Variants in POMZP3 observed in about 807,000 individuals in gnomAD.
The protein encoded by POMZP3 is POM121 and ZP3 fusion.
A neutral mutation model predicts 19.8 loss-of-function variants in POMZP3; 10 were observed. The observed-to-expected ratio is 0.51, with a 90% confidence interval of 0.31 to 0.86. POMZP3 has a LOEUF of 0.86. Ranked by LOEUF, POMZP3 falls within the 40% of genes least tolerant of loss-of-function variation. POMZP3 has a pLI of 0.04. For synonymous variants in POMZP3, 57 were observed against 85.8 expected (o/e 0.66, Z 1.85); for missense variants, 152 against 228.1 (o/e 0.67, Z 2.15).
Position 76,625,517 on chromosome 7 carries a change from GT to G in POMZP3, c.227+4del, listed in dbSNP as rs1167093549. 6.2e-7 allele frequency: 1 copy of G among 1,612,928 alleles called. No homozygotes were observed. The highest frequency in any genetic ancestry group is 1.3e-5 in the African/African-American group (1 of 74,836). ...ACTGGCTTAGTACTCTCCTGAGCCT[GT>G]TACCTTCTTTTATTTTCCTGGCCAT... On this transcript the variant is annotated splice_donor_region_variant and intron_variant, in intron 3 of 6. Transcript: ENST00000310842.
chr7:76,626,242 G>C (rs1815888527), intron 1 of POMZP3, 27 bp from the exon 2 acceptor site: 1 of 1,518,682 alleles, frequency 6.6e-7, no homozygotes, highest in South Asian at 1.2e-5. Context: ...ACAAATCATG[G>C]AAACAAAGTA....
chr7:76,626,652 C>G lies in POMZP3; in HGVS notation c.-152+56G>C, dbSNP rs867896684. On this transcript the variant is annotated intron_variant, in intron 1 of 6. Transcript: ENST00000310842. ...AAAAAGCAAATCGGATTTAAAAGTC[C>G]TCGATTTCAAGCCAGCCGAGCCAAA... The G allele has an allele frequency of 4.4e-5, 60 of 1,360,676 alleles. 6 individuals carry two copies. In the African/African-American group the frequency reaches 8.1e-4, roughly 18 times the overall value. The allele number at this position is 1,360,676 out of a possible 1,614,324, so 84.3% of individuals were successfully genotyped here. A position where few individuals can be genotyped will look rare whatever the true frequency, so the allele number is the denominator to read the frequency against.
Position 76,611,499 on chromosome 7 carries a change from A to C in POMZP3, c.530T>G (p.Val177Gly). ...AGCAGACGTGGACCACTGGCTCACG[A>C]CACGAGGCTGCCTCCTGGAATGGCT... ...TPSHSRRQPR[V>G]VSQWSTSASL Residue 177 changes from valine to glycine, a missense_variant, in exon 6 of 7, where the codon GTC (valine) becomes GGC (glycine). By Grantham distance (109) the Val-to-Gly change is moderately radical (BLOSUM62 -3). Coordinates refer to ENST00000310842, the MANE Select transcript of POMZP3 (RefSeq NM_012230.5). 6.2e-7 allele frequency: 1 copy of C among 1,604,816 alleles called. No homozygotes were observed. Among genetic ancestry groups the C allele is most frequent in the East Asian group, 2.2e-5 (1 of 44,852 alleles).
chr7:76,610,323 G>C (rs1815031554), intron 6 of POMZP3, 108 bp from the exon 7 acceptor site: 9 of 1,132,262 alleles, frequency 7.9e-6, no homozygotes, highest in Non-Finnish European at 1.3e-6. Context: ...TGTCTTTTTT[G>C]TGTGGGCTAA....
At chr7:76,624,586 C>G (rs1815752850) in intron 3 of POMZP3, among the ~76,000 whole-genome samples, 1 of 151,226 alleles carries the variant, frequency 6.6e-6, no homozygotes, top group African/African-American at 2.4e-5. Flanking sequence ...GCTGGGACTA[C>G]AGGCACCTAC....
At chr7:76,620,860 C>CTTTTTTTTTTTTT (rs752303123) in intron 3 of POMZP3, among the ~76,000 whole-genome samples, 2 of 100,262 alleles carry the variant, frequency 2.0e-5, no homozygotes, top group South Asian at 3.9e-4. Context: ...GCTGTAAAGC[C>CTTTTTTTTTTTTT]ATTTTTTTTT....
intron 4 of POMZP3, among the ~76,000 whole-genome samples, chr7:76,613,538 C>T (rs374169075): frequency 0.022 from 1,229 of 56,940 alleles, 258 homozygotes; most frequent in East Asian, 0.2. Flanking sequence ...GAGACGGAGT[C>T]TGTCTCTAGT....
chr7:76,621,153 A>G lies in POMZP3; in HGVS notation c.228-2853T>C, dbSNP rs1479614886. 6 of 149,428 alleles carry G rather than the reference A, an allele frequency of 4.0e-5. No individual in the cohort carries two copies. In the East Asian group the frequency reaches 9.8e-4, roughly 24 times the overall value. The allele number at this position is 149,428 out of a possible 1,614,324, so 9.3% of individuals were successfully genotyped here. A position where few individuals can be genotyped will look rare whatever the true frequency, so the allele number is the denominator to read the frequency against. The stretch of plus-strand genomic sequence containing the variant: ...TCCTGAGCTGGCGCCATCACCGGAG[A>G]CGCCAGGTGATGTCCATTCATCAGA... On this transcript the variant is annotated intron_variant, in intron 3 of 6. Transcript: ENST00000310842.
chr7:76,621,685 A>G (rs1381546481), intron 3 of POMZP3, among the ~76,000 whole-genome samples: 2 of 151,788 alleles, frequency 1.3e-5, no homozygotes, highest in East Asian at 1.9e-4. Flanking sequence ...TCACGCCTGT[A>G]ATCCCAGCAC....
At chr7:76,610,764 G>C (rs1815051141) in intron 6 of POMZP3, among the ~76,000 whole-genome samples, 1 of 149,026 alleles carries the variant, frequency 6.7e-6, no homozygotes, top group Non-Finnish European at 1.5e-5. Flanking sequence ...ACAGGGTCTT[G>C]CTATGTTGCC....
rs1815838153 is a variant in POMZP3, at chr7:76,625,642, C to T, written c.107G>A (p.Ser36Asn). 6.2e-7 allele frequency: 1 copy of T among 1,613,812 alleles called. No homozygotes were observed. Reference protein sequence around the residue: ...IISSTLSSPSSNAPDPCAKET... With the variant: ...IISSTLSSPSNNAPDPCAKET... Reference sequence around the variant, plus strand: ...CTTTGCACATGGGTCTGGGGCATTACTTGATGGTGAGGACAGTGTTGAGCT... The same window carrying T: ...CTTTGCACATGGGTCTGGGGCATTATTTGATGGTGAGGACAGTGTTGAGCT... The change falls in exon 3 of 7, where the codon AGT becomes AAT. Residue 36 changes from serine to asparagine, a missense_variant. Ser to Asn is a conservative substitution (Grantham distance 46). This residue lies in a region of POMZP3 where 70 missense variants were observed against 64.1 expected (regional missense o/e 1.09). Coordinates refer to ENST00000310842, the MANE Select transcript of POMZP3 (RefSeq NM_012230.5).
At position 76,610,643 on chromosome 7, in the gene POMZP3, C is replaced by A. The variant is rs547695168; in HGVS notation, c.*12-428G>T. 2.8e-3 allele frequency among the ~76,000 whole-genome samples: 429 copies of A among 151,768 alleles called. 7 individuals are homozygous for A. The highest frequency in any genetic ancestry group is 1.0e-2 in the African/African-American group (413 of 41,386). On this transcript the variant is annotated intron_variant, in intron 6 of 6. Transcript: ENST00000310842. ...CTCCAGCCTGGAGGACAGAGCTAGA[C>A]ACCATCTTGGTGCAGGGGAGGGGGA...
chr7:76,624,698 G>A (rs1477424190), intron 3 of POMZP3, among the ~76,000 whole-genome samples: 2 of 149,436 alleles, frequency 1.3e-5, no homozygotes, highest in African/African-American at 4.9e-5. Flanking sequence ...CACCTGCCTG[G>A]GCCTCTCAAG....
intron 3 of POMZP3, among the ~76,000 whole-genome samples, chr7:76,623,032 C>T (rs939835026): frequency 6.6e-6 from 1 of 151,704 alleles, no homozygotes; most frequent in African/African-American, 2.4e-5. Flanking sequence ...CCATGCCTGG[C>T]TAATTTTCAT....
chr7:76,622,086 A>G (rs1376593662), intron 3 of POMZP3, among the ~76,000 whole-genome samples: 1 of 145,756 alleles, frequency 6.9e-6, no homozygotes, highest in Non-Finnish European at 1.5e-5. Flanking sequence ...GACAGTTTAC[A>G]AATGCCATGG....
At chr7:76,621,997 G>A (rs1472063683) in intron 3 of POMZP3, among the ~76,000 whole-genome samples, 1 of 133,956 alleles carries the variant, frequency 7.5e-6, no homozygotes, top group Admixed American at 7.6e-5. Context: ...TGAAGAAGCC[G>A]GTTAAAACCC....
intron 3 of POMZP3, among the ~76,000 whole-genome samples, chr7:76,622,653 T>G (rs1620225): frequency 6.6e-6 from 1 of 151,218 alleles, no homozygotes; most frequent in Non-Finnish European, 1.5e-5. Flanking sequence ...CGTGAGCCAC[T>G]GCGTCTGGCC....
chr7:76,621,987 T>C (rs1411519860), intron 3 of POMZP3, among the ~76,000 whole-genome samples: 2 of 131,910 alleles, frequency 1.5e-5, no homozygotes, highest in South Asian at 2.8e-4. Context: ...CAGGTTGCAG[T>C]GAAGAAGCCG....
In POMZP3 at chr7:76,611,267, G is replaced by A. The variant is rs536779968; in HGVS notation, c.*11+187C>T. On this transcript the variant is annotated intron_variant, in intron 6 of 6. Coordinates refer to ENST00000310842, the MANE Select transcript of POMZP3 (RefSeq NM_012230.5). ...CAGCAGATCTACCCTGGCTGCCACC[G>A]AGGTGGAAGGCTGAGAGCCCCCTCC... Among the ~76,000 whole-genome samples the A allele has an allele frequency of 1.4e-4, 21 of 152,012 alleles. 1 individual carries two copies. Among genetic ancestry groups the A allele is most frequent in the Admixed American group, 5.9e-4 (9 of 15,232 alleles).
Sources: allele counts gnomAD v4.1 joint callset (sites outside exome capture counted in the v4.1 genomes callset), GRCh38; gene constraint gnomAD v4.1.1; regional missense constraint gnomAD v4.1.1; transcripts MANE v1.5; gene names NCBI Gene and HGNC (gene_info 2026-07-23, HGNC 2026-07-21).